ENTREP2: variants seen among roughly 807,000 people sequenced by gnomAD.
The protein encoded by ENTREP2 is protein ENTREP2.
the ENTREP2 span, among the ~76,000 whole-genome samples, chr15:29,364,473 G>A: frequency 1.3e-5 from 2 of 152,200 alleles, no homozygotes; most frequent in African/African-American, 4.8e-5. Flanking sequence ...GCTTGTTATT[G>A]TGGAAGGTAC....
chr15:29,570,623 G>T, the ENTREP2 span: 1 of 1,431,940 alleles, frequency 7.0e-7, no homozygotes, highest in Non-Finnish European at 9.2e-7. Flanking sequence ...GGCCCCGAGC[G>T]CCAGCACGAT....
chr15:29,369,180 G>A, the ENTREP2 span, among the ~76,000 whole-genome samples: 2 of 152,078 alleles, frequency 1.3e-5, no homozygotes, highest in African/African-American at 4.8e-5. Flanking sequence ...AAGAAACTAT[G>A]GCCAAAGACT....
At chr15:29,370,179 A>T in the ENTREP2 span, among the ~76,000 whole-genome samples, 1 of 152,216 alleles carries the variant, frequency 6.6e-6, no homozygotes, top group African/African-American at 2.4e-5. Flanking sequence ...TAAACTCTCC[A>T]ATTAAAAGGC....
At chr15:29,353,135 C>A in the ENTREP2 span, among the ~76,000 whole-genome samples, 1 of 149,426 alleles carries the variant, frequency 6.7e-6, no homozygotes, top group Non-Finnish European at 1.5e-5. Context: ...TAACACACAG[C>A]GGCATTTTTT....
chr15:29,327,706 T>C, the ENTREP2 span, among the ~76,000 whole-genome samples: 1 of 152,030 alleles, frequency 6.6e-6, no homozygotes, highest in South Asian at 2.1e-4. Context: ...AGTAGGGGAC[T>C]GCAAATTAAA....
chr15:29,559,161 C>T, the ENTREP2 span, among the ~76,000 whole-genome samples: 1,363 of 152,058 alleles, frequency 9.0e-3, 58 homozygotes, highest in East Asian at 0.13. Context: ...GTTAGAATCG[C>T]GTCTGGCAAA....
At chr15:29,605,737 T>C in the ENTREP2 span, among the ~76,000 whole-genome samples, 1 of 151,910 alleles carries the variant, frequency 6.6e-6, no homozygotes, top group Non-Finnish European at 1.5e-5. Flanking sequence ...CTCGGGAGGC[T>C]GAGGTAGGAG....
At chr15:29,628,110 G>A in the ENTREP2 span, among the ~76,000 whole-genome samples, 3 of 152,160 alleles carry the variant, frequency 2.0e-5, no homozygotes, top group Non-Finnish European at 4.4e-5. Flanking sequence ...CAGTGCACAA[G>A]GGTTAAATTT....
At chr15:29,200,684 G>GA in the ENTREP2 span, among the ~76,000 whole-genome samples, 1 of 151,706 alleles carries the variant, frequency 6.6e-6, no homozygotes, top group Non-Finnish European at 1.5e-5. Flanking sequence ...TCAGCCTCCT[G>GA]AGTAGCTGGG....
the ENTREP2 span, among the ~76,000 whole-genome samples, chr15:29,156,790 G>A: frequency 2.0e-5 from 3 of 152,186 alleles, no homozygotes; most frequent in Admixed American, 6.5e-5. Flanking sequence ...ATGCCTGCGC[G>A]TGGGCCAGGG....
the ENTREP2 span, among the ~76,000 whole-genome samples, chr15:29,324,270 T>A: frequency 6.6e-6 from 1 of 152,106 alleles, no homozygotes; most frequent in Middle Eastern, 3.4e-3. Context: ...TTTTTTTATT[T>A]TTATTATTAT....
chr15:29,151,945 C>T, the ENTREP2 span: 2 of 831,446 alleles, frequency 2.4e-6, no homozygotes, highest in Non-Finnish European at 4.0e-6. Flanking sequence ...CGATGACCAT[C>T]CACTTCATGG....
the ENTREP2 span, among the ~76,000 whole-genome samples, chr15:29,207,122 C>G: frequency 6.6e-6 from 1 of 152,142 alleles, no homozygotes; most frequent in African/African-American, 2.4e-5. Flanking sequence ...TCCAGAGCAT[C>G]AAGGACTGGG....
At chr15:29,625,007 T>G in the ENTREP2 span, among the ~76,000 whole-genome samples, 196 of 152,008 alleles carry the variant, frequency 1.3e-3, no homozygotes, top group Non-Finnish European at 2.0e-3. Flanking sequence ...CTCATACCCA[T>G]CCTATCCAGG....
chr15:29,451,807 G>A, the ENTREP2 span, among the ~76,000 whole-genome samples: 1 of 152,220 alleles, frequency 6.6e-6, no homozygotes, highest in African/African-American at 2.4e-5. Context: ...CCTGCTCACT[G>A]GCAAGCCTAG....
chr15:29,471,626 A>G, the ENTREP2 span, among the ~76,000 whole-genome samples: 2 of 152,220 alleles, frequency 1.3e-5, no homozygotes, highest in Non-Finnish European at 2.9e-5. Flanking sequence ...CCCACACGGC[A>G]GCACGGGGGC....
At chr15:29,288,933 T>C in the ENTREP2 span, among the ~76,000 whole-genome samples, 1 of 151,680 alleles carries the variant, frequency 6.6e-6, no homozygotes, top group African/African-American at 2.4e-5. Flanking sequence ...ATGGGCGGGG[T>C]GCAGAGGCTC....
chr15:29,156,586 G>A, the ENTREP2 span, among the ~76,000 whole-genome samples: 1 of 152,168 alleles, frequency 6.6e-6, no homozygotes, highest in Non-Finnish European at 1.5e-5. Flanking sequence ...AAGTGAGACT[G>A]GACACAGGGC....
the ENTREP2 span, among the ~76,000 whole-genome samples, chr15:29,223,748 T>A: frequency 1.2e-3 from 175 of 152,142 alleles, no homozygotes; most frequent in Non-Finnish European, 1.9e-3. Flanking sequence ...CCAGAGAGGC[T>A]GGTTCTGGAG....
Sources: gnomAD v4.1 joint callset for allele counts (sites outside exome capture counted in the v4.1 genomes callset) on GRCh38, gnomAD v4.1.1 for gene constraint, MANE v1.5 for transcripts, NCBI Gene and HGNC (gene_info 2026-07-23, HGNC 2026-07-21) for gene names.